Variants in ZNF652 observed in about 807,000 individuals in gnomAD.
The protein encoded by ZNF652 is zinc finger protein 652.
A neutral mutation model predicts 45.2 loss-of-function variants in ZNF652; 16 were observed. The ratio of observed to expected loss-of-function variants is 0.35; its 90% CI spans 0.24 to 0.54. The LOEUF (loss-of-function observed/expected upper bound fraction) is 0.54, where lower values mean the gene tolerates loss of function less well. Ranked by LOEUF, ZNF652 falls within the 20% of genes least tolerant of loss-of-function variation. The probability of loss-of-function intolerance (pLI) is 0.91; values close to 1 mark genes in which losing one functional copy is unlikely to be tolerated. For synonymous variants in ZNF652, 250 were observed against 260.6 expected, an observed-to-expected ratio of 0.96 and a Z score of 0.39; for missense variants, 614 against 765.6, an observed-to-expected ratio of 0.80 and a Z score of 2.34.
intron 1 of ZNF652, among the ~76,000 whole-genome samples, chr17:49,319,474 A>G (rs2069857676): frequency 6.6e-6 from 1 of 151,856 alleles, no homozygotes; most frequent in African/African-American, 2.4e-5. Context: ...CTCTACTGAA[A>G]ATACAAAAAT....
In ZNF652 at chr17:49,317,109, G is replaced by A. The variant is rs140779242; in HGVS notation, c.617C>T (p.Thr206Ile). ...ASVAAATTSP[T>I]PRTTRGRRKS... ...CCTACGACCTCTTGTAGTTCTGGGA[G>A]TAGGGGAAGTGGTAGCTGCGGCAAC... The change falls in exon 2 of 6, where the codon ACT (threonine) becomes ATT (isoleucine). Residue 206 changes from threonine to isoleucine, a missense_variant. Thr to Ile is a moderately conservative substitution (Grantham distance 89, BLOSUM62 -1). This residue lies in a region of ZNF652 where 262 missense variants were observed against 306.3 expected (regional missense o/e 0.86). Coordinates refer to ENST00000430262, the MANE Select transcript of ZNF652 (RefSeq NM_001145365.3). 2 of 1,614,124 alleles carry A rather than the reference G, an allele frequency of 1.2e-6. No homozygotes were observed. The highest frequency in any genetic ancestry group is 1.7e-6 in the Non-Finnish European group (2 of 1,180,024).
Position 49,295,189 on chromosome 17 carries a change from TC to T in ZNF652, c.*3223del, listed in dbSNP as rs2069456248. 1.3e-5 allele frequency: 2 copies of T among 151,076 alleles called. No homozygotes were observed. Among genetic ancestry groups the T allele is most frequent in the Non-Finnish European group, 1.5e-5 (1 of 67,924 alleles). The allele number at this position is 151,076 out of a possible 1,614,324, so 9.4% of individuals were successfully genotyped here. A position where few individuals can be genotyped will look rare whatever the true frequency, so the allele number is the denominator to read the frequency against. On this transcript the variant is annotated 3_prime_UTR_variant, in exon 6 of 6. Transcript: ENST00000430262. ...GGCGCAATCTCGGCTCACTGCAAGC[TC>T]CGCCTCCTGGGTTCAATGTTGTGAA...
chr17:49,333,727 A>C (rs971840353), intron 1 of ZNF652, among the ~76,000 whole-genome samples: 4 of 149,760 alleles, frequency 2.7e-5, no homozygotes, highest in Non-Finnish European at 4.5e-5. Context: ...CTCAAGAAAA[A>C]AAAAAAAAAA....
At chr17:49,356,828 T>A (rs914707256) in intron 1 of ZNF652, among the ~76,000 whole-genome samples, 2 of 152,196 alleles carry the variant, frequency 1.3e-5, no homozygotes, top group Non-Finnish European at 1.5e-5. Context: ...GTAACTCTTG[T>A]GGGCTCACAG....
At chr17:49,300,981 C>G (rs185972347) in intron 5 of ZNF652, among the ~76,000 whole-genome samples, 1 of 152,266 alleles carries the variant, frequency 6.6e-6, no homozygotes, top group East Asian at 1.9e-4. Context: ...GACATATAAA[C>G]CACAGTATTT....
At chr17:49,298,981 A>T in intron 5 of ZNF652, 57 bp from the exon 6 acceptor site, 1 of 1,505,264 alleles carries the variant, frequency 6.6e-7, no homozygotes, top group Non-Finnish European at 8.8e-7. Flanking sequence ...TTGTGTGCTC[A>T]AGCTTTTTTT....
chr17:49,315,529 A>G (rs1231788421), intron 2 of ZNF652, among the ~76,000 whole-genome samples: 3 of 151,380 alleles, frequency 2.0e-5, no homozygotes, highest in Admixed American at 6.6e-5. Context: ...TATTTATTAA[A>G]TGTTTTCTGT....
chr17:49,311,160 TA>T, intron 5 of ZNF652, 151 bp downstream of exon 5: 1 of 740,086 alleles, frequency 1.4e-6, no homozygotes, highest in Non-Finnish European at 2.1e-6. Flanking sequence ...TCAGTATCAC[TA>T]ATCTATATTT....
At position 49,334,124 on chromosome 17, in the gene ZNF652, C is replaced by T. The variant is rs193239346; in HGVS notation, c.-258-16141G>A. ...ATAGCCAAAAGGCAATCCAAATATACATCAACTGATGAGTGGATAAACAAA... is the reference window on the plus strand; with the variant it reads ...ATAGCCAAAAGGCAATCCAAATATATATCAACTGATGAGTGGATAAACAAA... On this transcript the variant is annotated intron_variant, in intron 1 of 5. Coordinates refer to ENST00000430262, the MANE Select transcript of ZNF652 (RefSeq NM_001145365.3). Among the ~76,000 whole-genome samples the T allele has an allele frequency of 1.1e-4, 16 of 152,280 alleles. No individual in the cohort carries two copies. In the East Asian group the frequency reaches 3.1e-3, roughly 29 times the overall value.
At chr17:49,325,921 C>T (rs545148571) in intron 1 of ZNF652, among the ~76,000 whole-genome samples, 1 of 152,114 alleles carries the variant, frequency 6.6e-6, no homozygotes, top group East Asian at 1.9e-4. Flanking sequence ...TTTATTAGTG[C>T]AAAGACTATG....
intron 5 of ZNF652, among the ~76,000 whole-genome samples, chr17:49,308,146 C>T (rs950596736): frequency 5.3e-5 from 8 of 151,808 alleles, no homozygotes; most frequent in Non-Finnish European, 4.4e-5. Context: ...TTCATAGTTT[C>T]CCATATATTT....
At chr17:49,288,646 CCTGT>C (rs753916235), downstream of ZNF652, among the ~76,000 whole-genome samples, 16 of 152,158 alleles carry the variant, frequency 1.1e-4, no homozygotes, top group Non-Finnish European at 2.1e-4. Flanking sequence ...GAGAGTAGAG[CCTGT>C]CTTTCTCATT....
chr17:49,320,152 T>C (rs2069870573), intron 1 of ZNF652, among the ~76,000 whole-genome samples: 1 of 152,176 alleles, frequency 6.6e-6, no homozygotes, highest in Non-Finnish European at 1.5e-5. Context: ...ATCACAACTT[T>C]GAAAAAAATC....
intron 5 of ZNF652, among the ~76,000 whole-genome samples, chr17:49,308,127 T>C (rs573542151): frequency 6.6e-6 from 1 of 152,240 alleles, no homozygotes; most frequent in South Asian, 2.1e-4. Flanking sequence ...TTTTACTTTG[T>C]TTGCAATTTT....
chr17:49,295,541 G>A lies in ZNF652; in HGVS notation c.*2872C>T, dbSNP rs1292001431. The stretch of plus-strand genomic sequence containing the variant: ...AATGAAAAATCAAAGATGACTACCT[G>A]AATATTCCAGTGTATAATTACAGTA... On this transcript the variant is annotated 3_prime_UTR_variant, in exon 6 of 6. Transcript: ENST00000430262. The A allele has an allele frequency of 6.6e-6, 1 of 152,440 alleles. No homozygotes were observed. The highest frequency in any genetic ancestry group is 1.5e-5 in the Non-Finnish European group (1 of 68,008). 9.4% of individuals were successfully genotyped at this position (152,440 alleles called of 1,614,324 possible). A position where few individuals can be genotyped will look rare whatever the true frequency, so the allele number is the denominator to read the frequency against.
At chr17:49,321,534 T>C (rs1461332478) in intron 1 of ZNF652, among the ~76,000 whole-genome samples, 2 of 149,216 alleles carry the variant, frequency 1.3e-5, no homozygotes, top group African/African-American at 5.0e-5. Flanking sequence ...CCTCCCAAAG[T>C]GCTGGAATTA....
chr17:49,319,590 G>A (rs1246825508), intron 1 of ZNF652, among the ~76,000 whole-genome samples: 1 of 131,078 alleles, frequency 7.6e-6, no homozygotes, highest in Non-Finnish European at 1.5e-5. Context: ...CTGAGATCGC[G>A]CCACTGCACT....
chr17:49,317,819 A>G lies in ZNF652; in HGVS notation c.-94T>C. On this transcript the variant is annotated 5_prime_UTR_variant, in exon 2 of 6. Coordinates refer to ENST00000430262, the MANE Select transcript of ZNF652 (RefSeq NM_001145365.3). ...AAGACTCAAATCTTTTCTCATCCAC[A>G]AAGAATCACTCAAATGAAAAAAAGA... 6.3e-6 allele frequency: 8 copies of G among 1,265,740 alleles called. No individual in the cohort carries two copies. The highest frequency in any genetic ancestry group is 8.5e-6 in the Non-Finnish European group (8 of 944,908). The allele number at this position is 1,265,740 out of a possible 1,614,324, so 78.4% of individuals were successfully genotyped here.
chr17:49,344,669 C>T (rs1343234424), intron 1 of ZNF652, among the ~76,000 whole-genome samples: 3 of 151,732 alleles, frequency 2.0e-5, no homozygotes, highest in Non-Finnish European at 2.9e-5. Flanking sequence ...TACAGGCGCA[C>T]GCCACCATGC....
Sources: gnomAD v4.1 joint callset for allele counts (sites outside exome capture counted in the v4.1 genomes callset) on GRCh38, gnomAD v4.1.1 for gene constraint, gnomAD v4.1.1 regional missense constraint, MANE v1.5 for transcripts, NCBI Gene and HGNC (gene_info 2026-07-23, HGNC 2026-07-21) for gene names.